Variants in BLTP2 observed in about 807,000 individuals in gnomAD.
BLTP2 encodes the protein U937-associated antigen.
chr17:28,615,342 A>G, the BLTP2 span: 2 of 1,120,062 alleles, frequency 1.8e-6, no homozygotes, highest in Non-Finnish European at 2.5e-6. Flanking sequence ...TATTAAACAC[A>G]TCCAAGGCAC....
At chr17:28,628,703 A>C in the BLTP2 span, 1 of 683,870 alleles carries the variant, frequency 1.5e-6, no homozygotes, top group East Asian at 2.7e-5. Flanking sequence ...GGGAGGCCGA[A>C]GTGGGCAAAT....
the BLTP2 span, chr17:28,637,177 A>G: frequency 2.1e-5 from 34 of 1,613,244 alleles, no homozygotes; most frequent in Non-Finnish European, 2.5e-5. Context: ...GCACCTAACA[A>G]CCAGAAACCA....
chr17:28,634,598 C>T, the BLTP2 span: 1 of 1,614,222 alleles, frequency 6.2e-7, no homozygotes, highest in Non-Finnish European at 8.5e-7. Flanking sequence ...AAAGGGCTGC[C>T]TGGATCAAGC....
chr17:28,643,583 G>A, the BLTP2 span: 29 of 1,603,468 alleles, frequency 1.8e-5, no homozygotes, highest in South Asian at 3.3e-5. Context: ...CTCTTCTAGG[G>A]GAGAAGTGAG....
the BLTP2 span, among the ~76,000 whole-genome samples, chr17:28,629,110 T>C: frequency 6.6e-6 from 1 of 152,108 alleles, no homozygotes; most frequent in Non-Finnish European, 1.5e-5. Flanking sequence ...ATGGAGTCTA[T>C]TTTGTCCAGA....
the BLTP2 span, chr17:28,633,390 G>A: frequency 1.2e-6 from 2 of 1,613,592 alleles, no homozygotes; most frequent in Non-Finnish European, 1.7e-6. Context: ...TTTCAGTTGT[G>A]TTGTATGGAT....
At chr17:28,645,089 C>T in the BLTP2 span, 26 of 1,564,574 alleles carry the variant, frequency 1.7e-5, no homozygotes, top group Admixed American at 2.4e-4. Context: ...TTGGCCCCGG[C>T]CCCCGCCATG....
At chr17:28,638,535 G>A in the BLTP2 span, 3 of 1,609,760 alleles carry the variant, frequency 1.9e-6, no homozygotes, top group Admixed American at 1.7e-5. Context: ...CAGAGAGATA[G>A]AATTGAATCC....
At chr17:28,629,904 T>C in the BLTP2 span, among the ~76,000 whole-genome samples, 2 of 151,894 alleles carry the variant, frequency 1.3e-5, no homozygotes, top group Non-Finnish European at 2.9e-5. Flanking sequence ...TGTGAGCCAC[T>C]GCACCCAGCC....
chr17:28,635,706 A>G, the BLTP2 span: 1 of 1,266,930 alleles, frequency 7.9e-7, no homozygotes. Context: ...CTCAAGAACC[A>G]TCTCCACCCA....
the BLTP2 span, chr17:28,624,054 G>A: frequency 7.1e-7 from 1 of 1,417,494 alleles, no homozygotes; most frequent in Non-Finnish European, 9.8e-7. Flanking sequence ...TAGGTCTAAT[G>A]CTGGCTTACC....
At chr17:28,625,054 G>A in the BLTP2 span, among the ~76,000 whole-genome samples, 4 of 152,172 alleles carry the variant, frequency 2.6e-5, no homozygotes, top group Admixed American at 6.5e-5. Flanking sequence ...AAAGTTTAAC[G>A]GGGCCAGGCG....
At chr17:28,628,961 G>A in the BLTP2 span, among the ~76,000 whole-genome samples, 1 of 151,682 alleles carries the variant, frequency 6.6e-6, no homozygotes, top group African/African-American at 2.4e-5. Context: ...CACTGGGCGT[G>A]GTGGGGAGAC....
At chr17:28,615,676 G>A in the BLTP2 span, 1 of 1,614,018 alleles carries the variant, frequency 6.2e-7, no homozygotes, top group Non-Finnish European at 8.5e-7. Context: ...GGGCAACCAG[G>A]GCTTTGCGGC....
chr17:28,634,616 C>G, the BLTP2 span: 1 of 1,614,198 alleles, frequency 6.2e-7, no homozygotes, highest in South Asian at 1.1e-5. Flanking sequence ...AGCTCTTGAA[C>G]CTGTTCTACC....
the BLTP2 span, chr17:28,621,401 G>C: frequency 6.2e-7 from 1 of 1,613,090 alleles, no homozygotes; most frequent in East Asian, 2.2e-5. Context: ...GGGCTGACCT[G>C]TGGTTGTGGT....
the BLTP2 span, chr17:28,636,899 AG>A: frequency 8.0e-6 from 10 of 1,253,950 alleles, no homozygotes; most frequent in South Asian, 2.6e-5. Context: ...AAAAAAAAAA[AG>A]ACAGAGAAAG....
chr17:28,641,814 G>C, the BLTP2 span: 17 of 1,296,530 alleles, frequency 1.3e-5, no homozygotes, highest in Non-Finnish European at 1.7e-5. Context: ...TAAGCAGTGA[G>C]ACCACTATTT....
At chr17:28,632,970 G>C in the BLTP2 span, 1 of 1,549,952 alleles carries the variant, frequency 6.5e-7, no homozygotes, top group Non-Finnish European at 8.7e-7. Flanking sequence ...GATCCATCTT[G>C]ATGGAGAGAT....
Sources: allele counts gnomAD v4.1 joint callset (sites outside exome capture counted in the v4.1 genomes callset), GRCh38; gene constraint gnomAD v4.1.1; transcripts MANE v1.5; gene names NCBI Gene and HGNC (gene_info 2026-07-23, HGNC 2026-07-21).